LSM14A: variants seen among roughly 807,000 people sequenced by gnomAD.
LSM14A encodes the protein LSM14A mRNA processing body assembly factor.
Under a neutral mutation model 52.4 loss-of-function variants are expected in LSM14A, and 14 were observed. The observed-to-expected ratio is 0.27, with a 90% CI of 0.18 to 0.42. LSM14A has a LOEUF of 0.42. LSM14A is among the 10% of genes least tolerant of loss of function. The pLI is 1.00. For missense variants in LSM14A, 417 were observed against 581.8 expected, an observed-to-expected ratio of 0.72 and a Z score of 2.91; for synonymous variants, 185 against 200.3, an observed-to-expected ratio of 0.92 and a Z score of 0.64.
intron 3 of LSM14A, among the ~76,000 whole-genome samples, chr19:34,204,681 G>A (rs1411197506): frequency 6.6e-6 from 1 of 152,098 alleles, no homozygotes; most frequent in Non-Finnish European, 1.5e-5. Flanking sequence ...TTCTGCTGCT[G>A]CACTCCAGGA....
intron 1 of LSM14A, among the ~76,000 whole-genome samples, chr19:34,175,919 G>A (rs1241089983): frequency 2.0e-5 from 3 of 152,000 alleles, no homozygotes; most frequent in Admixed American, 6.6e-5. Context: ...GCAGTGGTGC[G>A]ATCTTGGCTC....
At chr19:34,221,912 C>A in intron 9 of LSM14A, 174 bp downstream of exon 9, 5 of 1,271,332 alleles carry the variant, frequency 3.9e-6, no homozygotes, top group South Asian at 1.9e-5. Flanking sequence ...AGACATTATA[C>A]AAAAAAAGAC....
In LSM14A at chr19:34,172,534, C is replaced by T; in HGVS notation, c.-109C>T. 1 of 1,299,794 alleles carries T rather than the reference C, an allele frequency of 7.7e-7. No individual in the cohort carries two copies. The highest frequency in any genetic ancestry group is 4.0e-5 in the Admixed American group (1 of 25,266). The allele number at this position is 1,299,794 out of a possible 1,614,324, so 80.5% of individuals were successfully genotyped here. On this transcript the variant is annotated 5_prime_UTR_variant, in exon 1 of 10. Coordinates refer to ENST00000544216, the MANE Select transcript of LSM14A (RefSeq NM_015578.4). The stretch of plus-strand genomic sequence containing the variant: ...AGCCGGCGCCGCCGCCATGTTGGGT[C>T]TGAAGCGGCTGCTGTAGGCGCCGAC...
intron 3 of LSM14A, among the ~76,000 whole-genome samples, chr19:34,197,013 A>G (rs542800052): frequency 9.2e-5 from 14 of 151,962 alleles, no homozygotes; most frequent in Non-Finnish European, 1.6e-4. Context: ...TATACTAGGT[A>G]TATCCAATAT....
chr19:34,172,812 G>A (rs753221415), intron 1 of LSM14A, 49 bp downstream of exon 1: 2 of 1,514,614 alleles, frequency 1.3e-6, no homozygotes, highest in East Asian at 2.8e-5. Flanking sequence ...GCGCCGCTCG[G>A]GGCTGCTCCC....
At chr19:34,180,730 A>G (rs1464695270) in intron 1 of LSM14A, among the ~76,000 whole-genome samples, 3 of 152,094 alleles carry the variant, frequency 2.0e-5, no homozygotes, top group Non-Finnish European at 4.4e-5. Flanking sequence ...GTCAGTACAC[A>G]TTCCCTCAGC....
At chr19:34,195,497 AAAAC>A (rs1277512202) in intron 2 of LSM14A, among the ~76,000 whole-genome samples, 1 of 152,198 alleles carries the variant, frequency 6.6e-6, no homozygotes, top group African/African-American at 2.4e-5. Context: ...ATATAATAAG[AAAAC>A]ACAAACATCA....
intron 3 of LSM14A, 173 bp from the exon 4 acceptor site, chr19:34,208,756 A>G (rs951703960): frequency 7.6e-6 from 4 of 526,450 alleles, no homozygotes; most frequent in Admixed American, 6.7e-5. Context: ...CCATATTGCC[A>G]TAAAATTCCC....
chr19:34,206,683 A>C (rs2071726278), intron 3 of LSM14A, among the ~76,000 whole-genome samples: 1 of 152,166 alleles, frequency 6.6e-6, no homozygotes, highest in Non-Finnish European at 1.5e-5. Flanking sequence ...CAAAAAGAAA[A>C]AAAGAAAATT....
In LSM14A at chr19:34,187,661, T is replaced by C. The variant is rs577938002; in HGVS notation, c.122-6817T>C. Among the ~76,000 whole-genome samples the C allele has an allele frequency of 2.1e-3, 327 of 152,310 alleles. 3 individuals carry two copies. The highest frequency in any genetic ancestry group is 7.6e-3 in the African/African-American group (315 of 41,574). ...CTATGTATTTTAAGTATATAATGTT[T>C]ATCATGCTTAAATTTAGAACATTTT... On this transcript the variant is annotated intron_variant, in intron 1 of 9. Transcript: ENST00000544216.
intron 3 of LSM14A, among the ~76,000 whole-genome samples, chr19:34,199,244 C>G (rs1356792053): frequency 6.6e-6 from 1 of 152,068 alleles, no homozygotes; most frequent in African/African-American, 2.4e-5. Context: ...CCCACCTCAA[C>G]CTCCCGAGTA....
intron 1 of LSM14A, among the ~76,000 whole-genome samples, chr19:34,192,807 T>G (rs531765795): frequency 6.6e-6 from 1 of 151,656 alleles, no homozygotes; most frequent in South Asian, 2.1e-4. Flanking sequence ...AAACCCCATC[T>G]CCGCTAAAAA....
rs554124600 is a variant in LSM14A, at chr19:34,211,561, A to G, written c.538+2510A>G. 7.9e-5 allele frequency among the ~76,000 whole-genome samples: 12 copies of G among 152,208 alleles called. No homozygotes were observed. In the East Asian group the frequency reaches 2.1e-3, roughly 27 times the overall value. On this transcript the variant is annotated intron_variant, in intron 4 of 9. Transcript: ENST00000544216. ...CAGCACTTAGGGAGGCAAAGCCAGG[A>G]TGATCACTTGAGCCCACGAGTTTGA...
At chr19:34,193,771 C>G (rs886232545) in intron 1 of LSM14A, among the ~76,000 whole-genome samples, 5 of 152,162 alleles carry the variant, frequency 3.3e-5, no homozygotes, top group African/African-American at 1.2e-4. Context: ...GGTCAATACC[C>G]AAACTTTGAG....
chr19:34,204,449 C>CTG (rs989834381), intron 3 of LSM14A, among the ~76,000 whole-genome samples: 1 of 151,928 alleles, frequency 6.6e-6, no homozygotes, highest in African/African-American at 2.4e-5. Context: ...TAGCATACAC[C>CTG]TGTAATCCCA....
intron 1 of LSM14A, among the ~76,000 whole-genome samples, chr19:34,188,521 A>G (rs2145583950): frequency 6.6e-6 from 1 of 152,312 alleles, no homozygotes; most frequent in South Asian, 2.1e-4. Flanking sequence ...CACTTAGTGT[A>G]GTCACAGTGT....
chr19:34,176,926 C>G (rs992302299), intron 1 of LSM14A, among the ~76,000 whole-genome samples: 4 of 152,204 alleles, frequency 2.6e-5, no homozygotes, highest in African/African-American at 9.6e-5. Context: ...ATATCCCTTA[C>G]CAACAACCGT....
At chr19:34,200,150 AG>A (rs2071188703) in intron 3 of LSM14A, among the ~76,000 whole-genome samples, 3 of 152,244 alleles carry the variant, frequency 2.0e-5, no homozygotes, top group African/African-American at 7.2e-5. Flanking sequence ...TATATCCAGA[AG>A]GTGGGTTGTT....
chr19:34,183,905 C>T (rs1278783046), intron 1 of LSM14A, among the ~76,000 whole-genome samples: 3 of 152,080 alleles, frequency 2.0e-5, no homozygotes, highest in Non-Finnish European at 2.9e-5. Context: ...TGTGCGGTCC[C>T]GTGAAAGTTG....
Sources: gnomAD v4.1 joint callset for allele counts (sites outside exome capture counted in the v4.1 genomes callset) on GRCh38, gnomAD v4.1.1 for gene constraint, MANE v1.5 for transcripts, NCBI Gene and HGNC (gene_info 2026-07-23, HGNC 2026-07-21) for gene names.